The following NBAS variants were observed in gnomAD, a reference collection of about 807,000 sequenced individuals.
NBAS encodes NAG/BC035112 fusion.
A neutral mutation model predicts 302.5 loss-of-function variants in NBAS; 219 were observed. The ratio of observed to expected loss-of-function variants is 0.72; its 90% confidence interval spans 0.65 to 0.81. The LOEUF is 0.81. Ranked by LOEUF, NBAS falls within the 30% of genes least tolerant of loss-of-function variation. The probability of loss-of-function intolerance (pLI) is 0.00; values close to 1 mark genes in which losing one functional copy is unlikely to be tolerated. For synonymous variants in NBAS, 1,118 were observed against 1,021.6 expected, an observed-to-expected ratio of 1.09 and a Z score of -1.80; for missense variants, 2,932 against 2,841.6, an observed-to-expected ratio of 1.03 and a Z score of -0.72.
At chr2:14,901,459 G>A in the NBAS span, among the ~76,000 whole-genome samples, 1 of 151,922 alleles carries the variant, frequency 6.6e-6, no homozygotes, top group East Asian at 1.9e-4. Context: ...AAATCGGAAG[G>A]GTAATTTTTT....
At chr2:15,447,325 G>A (rs1249243541) in intron 21 of NBAS, among the ~76,000 whole-genome samples, 1 of 152,144 alleles carries the variant, frequency 6.6e-6, no homozygotes, top group Non-Finnish European at 1.5e-5. Context: ...CATTAGAAAA[G>A]CAAGAAAGGC....
chr2:15,412,798 C>A (rs117722965), intron 25 of NBAS, among the ~76,000 whole-genome samples: 2 of 152,270 alleles, frequency 1.3e-5, no homozygotes, highest in South Asian at 2.1e-4. Context: ...TCTTACACAT[C>A]ATTTGCCTGA....
intron 10 of NBAS, among the ~76,000 whole-genome samples, chr2:15,510,325 G>A (rs1259550499): frequency 6.6e-6 from 1 of 152,170 alleles, no homozygotes; most frequent in African/African-American, 2.4e-5. Flanking sequence ...TACAATAAAT[G>A]AACTGTAAGT....
At chr2:14,779,835 T>C in the NBAS span, among the ~76,000 whole-genome samples, 8 of 152,204 alleles carry the variant, frequency 5.3e-5, no homozygotes, top group African/African-American at 1.4e-4. Context: ...GTTTATTGTA[T>C]ACAGTAGGAT....
Position 15,330,669 on chromosome 2 carries a change from TGG to T in NBAS, c.4274_4275del (p.Thr1425LysfsTer9). ...MKVLSNTTTTTKAVLQAVSDG... is the reference protein window; with the variant it reads ...MKVLSNTTTTXKAVLQAVSDG... ...TCACTGACGGCCTGCAGCACCGCTT[TGG>T]TGGTGGTTGTGGTGTTGGAAAGGAC... On this transcript the variant is annotated frameshift_variant, in exon 36 of 52. Transcript: ENST00000281513. LOFTEE classifies it high-confidence loss of function. 6.2e-7 allele frequency: 1 copy of T among 1,614,124 alleles called. No individual in the cohort carries two copies. Among genetic ancestry groups the T allele is most frequent in the Non-Finnish European group, 8.5e-7 (1 of 1,179,970 alleles).
At chr2:15,096,345 GTC>G in the NBAS span, among the ~76,000 whole-genome samples, 2 of 152,194 alleles carry the variant, frequency 1.3e-5, no homozygotes, top group Non-Finnish European at 2.9e-5. Flanking sequence ...CCTGCTGTGA[GTC>G]AGGGCCACAA....
chr2:15,126,817 G>A, the NBAS span, among the ~76,000 whole-genome samples: 39 of 152,254 alleles, frequency 2.6e-4, no homozygotes, highest in African/African-American at 8.9e-4. Flanking sequence ...ACTCTGCTAA[G>A]CACGCTACAA....
At chr2:14,871,784 A>T in the NBAS span, among the ~76,000 whole-genome samples, 136 of 152,286 alleles carry the variant, frequency 8.9e-4, no homozygotes, top group African/African-American at 3.1e-3. Flanking sequence ...ATGAAATTTT[A>T]AAAATGCTCA....
At chr2:15,191,638 C>T (rs73194935) in intron 48 of NBAS, among the ~76,000 whole-genome samples, 2,461 of 152,186 alleles carry the variant, frequency 0.016, 54 homozygotes, top group African/African-American at 0.054. Flanking sequence ...GGCCAACCAT[C>T]CCGGTGGCAC....
the NBAS span, among the ~76,000 whole-genome samples, chr2:15,079,612 A>C: frequency 5.8e-4 from 89 of 152,290 alleles, no homozygotes; most frequent in East Asian, 0.011. Context: ...TGACACACTC[A>C]ATTCCTGAAG....
chr2:15,378,413 C>A (rs755697276), intron 30 of NBAS, among the ~76,000 whole-genome samples: 1 of 152,168 alleles, frequency 6.6e-6, no homozygotes, highest in African/African-American at 2.4e-5. Context: ...AGCAGCGTAT[C>A]AGTCAGCAGG....
chr2:15,151,535 C>T, the NBAS span, among the ~76,000 whole-genome samples: 1 of 152,248 alleles, frequency 6.6e-6, no homozygotes, highest in Non-Finnish European at 1.5e-5. Context: ...TTTTAGATCA[C>T]ATAATGGCTC....
chr2:14,931,790 G>T, the NBAS span, among the ~76,000 whole-genome samples: 16 of 152,290 alleles, frequency 1.1e-4, no homozygotes, highest in Admixed American at 9.8e-4. Context: ...CCAAAAAGCA[G>T]CAGCCCTGAC....
the NBAS span, among the ~76,000 whole-genome samples, chr2:14,781,595 G>A: frequency 1.4e-4 from 22 of 152,112 alleles, no homozygotes; most frequent in African/African-American, 4.8e-4. Context: ...AGTGGTTCTC[G>A]ATCAGCATGG....
At chr2:15,137,176 G>A in the NBAS span, among the ~76,000 whole-genome samples, 2 of 152,180 alleles carry the variant, frequency 1.3e-5, no homozygotes, top group Non-Finnish European at 2.9e-5. Context: ...ACTTTCCCAG[G>A]CTCAGAATTT....
At chr2:15,158,909 C>A in the NBAS span, among the ~76,000 whole-genome samples, 1 of 152,180 alleles carries the variant, frequency 6.6e-6, no homozygotes, top group South Asian at 2.1e-4. Context: ...GCCCCCTGCA[C>A]CCTGCTGTCT....
chr2:14,993,549 C>G, the NBAS span, among the ~76,000 whole-genome samples: 1 of 152,144 alleles, frequency 6.6e-6, no homozygotes, highest in African/African-American at 2.4e-5. Context: ...TCAATTTTAT[C>G]GATACTCTAA....
chr2:14,968,164 T>C, the NBAS span, among the ~76,000 whole-genome samples: 1 of 152,326 alleles, frequency 6.6e-6, no homozygotes, highest in South Asian at 2.1e-4. Flanking sequence ...TGTGTGGTGT[T>C]ATCAGTGTTG....
intron 47 of NBAS, among the ~76,000 whole-genome samples, chr2:15,224,155 A>G (rs551999301): frequency 1.3e-5 from 2 of 152,208 alleles, no homozygotes; most frequent in Non-Finnish European, 2.9e-5. Context: ...CTGAGGTGGA[A>G]TGAGTGTTCA....
Sources: gnomAD v4.1 joint callset for allele counts (sites outside exome capture counted in the v4.1 genomes callset) on GRCh38, gnomAD v4.1.1 for gene constraint, MANE v1.5 for transcripts, NCBI Gene and HGNC (gene_info 2026-07-23, HGNC 2026-07-21) for gene names.